The following LRRK2 variants were observed in gnomAD, a reference collection of about 807,000 sequenced individuals.
LRRK2 encodes leucine rich repeat kinase 2.
A neutral mutation model predicts 302.6 loss-of-function variants in LRRK2; 203 were observed. That is an observed-to-expected ratio of 0.67 (90% CI 0.60 to 0.75). The LOEUF (loss-of-function observed/expected upper bound fraction) is 0.75, where lower values mean the gene tolerates loss of function less well. Ranked by LOEUF, LRRK2 falls within the 30% of genes least tolerant of loss-of-function variation. The pLI, the probability that LRRK2 is intolerant of heterozygous loss-of-function variation, is 0.00. For missense variants in LRRK2, 2,830 were observed against 2,951.0 expected (o/e 0.96, Z 0.95); for synonymous variants, 1,066 against 1,031.9 (o/e 1.03, Z -0.63).
chr12:40,322,161 C>T lies in LRRK2; in HGVS notation c.5297C>T (p.Thr1766Ile), dbSNP rs1316117423. 2 of 1,611,922 alleles carry T rather than the reference C, an allele frequency of 1.2e-6. No individual in the cohort carries two copies. The highest frequency in any genetic ancestry group is 1.7e-6 in the Non-Finnish European group (2 of 1,178,802). The stretch of plus-strand genomic sequence containing the variant: ...CATCCAGAGAGTTTCTTAAAAATTA[C>T]AGTTCCTTCTTGTAGAAAAGGTAAG... Reference protein sequence around the residue: ...DNHPESFLKITVPSCRKGCIL... With the variant: ...DNHPESFLKIIVPSCRKGCIL... Residue 1766 changes from threonine (T) to isoleucine (I), a missense_variant, in exon 36 of 51, where the codon ACA becomes ATA. Around this residue, in one of 3 missense-constraint regions of LRRK2, gnomAD observed 2,121 missense variants for 2,148.0 expected, o/e 0.99. Transcript: ENST00000298910.
At chr12:40,359,731 T>A (rs887489435) in intron 47 of LRRK2, among the ~76,000 whole-genome samples, 1 of 152,276 alleles carries the variant, frequency 6.6e-6, no homozygotes. Context: ...ATTTTTATTA[T>A]CTGTGTTTCA....
chr12:40,351,853 G>C, intron 44 of LRRK2, 120 bp downstream of exon 44: 2 of 1,044,586 alleles, frequency 1.9e-6, no homozygotes, highest in Admixed American at 2.1e-5. Flanking sequence ...CCTTCTGTTA[G>C]AACAAGAGTA....
At position 40,335,042 on chromosome 12, in the gene LRRK2, T is replaced by C; in HGVS notation, c.5833T>C (p.Leu1945=). The C allele has an allele frequency of 1.2e-6, 2 of 1,614,124 alleles. No homozygotes were observed. The highest frequency in any genetic ancestry group is 1.7e-6 in the Non-Finnish European group (2 of 1,180,010). Residue 1945 remains leucine, a synonymous_variant, in exon 40 of 51, where the codon TTG becomes CTG. Transcript: ENST00000298910. ...LLAAGIRPRM[L]VMELASKGSL... The stretch of plus-strand genomic sequence containing the variant: ...GGCAGCTGGGATTCGTCCCCGGATG[T>C]TGGTGATGGAGTTAGCCTCCAAGGG...
intron 20 of LRRK2, among the ~76,000 whole-genome samples, chr12:40,291,971 T>C (rs1944176023): frequency 6.6e-6 from 1 of 152,042 alleles, no homozygotes; most frequent in Admixed American, 6.6e-5. Context: ...TTAATCTAAG[T>C]TTGCAGTTAG....
At chr12:40,353,112 G>A (rs1298653466) in intron 44 of LRRK2, among the ~76,000 whole-genome samples, 33 of 151,824 alleles carry the variant, frequency 2.2e-4, no homozygotes, top group Non-Finnish European at 1.3e-4. Context: ...CGGATGGGGT[G>A]GCTGCCCAGC....
chr12:40,277,058 CT>C lies in LRRK2; in HGVS notation c.1942-828del, dbSNP rs534868882. ...ATTTTGCCATATTGTGCAGGCTGGT[CT>C]TGAATTCCTGGGCTCAAGCAATCCC... On this transcript the variant is annotated intron_variant, in intron 16 of 50. Transcript: ENST00000298910. Among the ~76,000 whole-genome samples the C allele has an allele frequency of 1.8e-3, 267 of 152,214 alleles. 1 individual carries two copies. The highest frequency in any genetic ancestry group is 3.6e-3 in the Admixed American group (55 of 15,300).
chr12:40,287,768 G>T (rs1222833128), intron 20 of LRRK2, among the ~76,000 whole-genome samples: 2 of 151,822 alleles, frequency 1.3e-5, no homozygotes, highest in Non-Finnish European at 2.9e-5. Context: ...AATATTCCAG[G>T]AAACAAACTC....
chr12:40,274,756 A>C (rs1943377428), intron 15 of LRRK2, 29 bp downstream of exon 15: 1 of 1,613,908 alleles, frequency 6.2e-7, no homozygotes, highest in Non-Finnish European at 8.5e-7. Flanking sequence ...CAGGATTTAG[A>C]ATAGATTTTT....
intron 46 of LRRK2, 42 bp downstream of exon 46, chr12:40,356,229 C>A: frequency 7.0e-7 from 1 of 1,432,324 alleles, no homozygotes; most frequent in Non-Finnish European, 9.7e-7. Context: ...TATTTTAAGT[C>A]TTTTGTTTTA....
At chr12:40,308,829 C>A (rs1944926759) in intron 29 of LRRK2, 133 bp downstream of exon 29, 1 of 954,724 alleles carries the variant, frequency 1.0e-6, no homozygotes, top group Non-Finnish European at 1.6e-6. Context: ...CCCTTCATTT[C>A]TCCTAATTTT....
chr12:40,362,309 T>C (rs999716767), intron 47 of LRRK2, among the ~76,000 whole-genome samples: 1 of 152,080 alleles, frequency 6.6e-6, no homozygotes, highest in East Asian at 1.9e-4. Flanking sequence ...TAGGATATAC[T>C]AATGATTGTT....
In LRRK2 at chr12:40,309,244, CT is replaced by C. The variant is rs200829235; in HGVS notation, c.4317+12del. The C allele has an allele frequency of 0.023, 37,270 of 1,612,000 alleles. 1,104 individuals are homozygous for C. Among genetic ancestry groups the C allele is most frequent in the South Asian group, 0.11 (10,394 of 90,934 alleles). On this transcript the variant is annotated intron_variant, in intron 30 of 50. Transcript: ENST00000298910. ...CTCTTCAATATAAAGGTGATTTGTT[CT>C]GATCATTTGAAAATAGAAAATAATT...
chr12:40,285,658 CAA>C (rs1163630141), intron 19 of LRRK2, among the ~76,000 whole-genome samples: 1 of 150,840 alleles, frequency 6.6e-6, no homozygotes, highest in African/African-American at 2.4e-5. Context: ...TTTATAATAG[CAA>C]AAGAGTAGGA....
At chr12:40,273,901 C>G (rs1424564913) in intron 14 of LRRK2, among the ~76,000 whole-genome samples, 1 of 152,044 alleles carries the variant, frequency 6.6e-6, no homozygotes, top group Non-Finnish European at 1.5e-5. Flanking sequence ...AAAATACCTT[C>G]ATAGTGTCAA....
Position 40,362,206 on chromosome 12 carries a change from C to G in LRRK2, c.7029-1196C>G, listed in dbSNP as rs542143331. On this transcript the variant is annotated intron_variant, in intron 47 of 50. Transcript: ENST00000298910. ...CAGCAAATATCCAAGAAGGAATTAC[C>G]TAAAGCGTAGTGGCTCTCTGACAAC... 2.0e-5 allele frequency among the ~76,000 whole-genome samples: 3 copies of G among 152,006 alleles called. No homozygotes were observed. In the East Asian group the frequency reaches 5.8e-4, roughly 29 times the overall value.
chr12:40,271,009 G>T (rs577257946), intron 14 of LRRK2, among the ~76,000 whole-genome samples: 24 of 152,060 alleles, frequency 1.6e-4, no homozygotes, highest in Middle Eastern at 3.4e-3. Context: ...CAAACTCCTT[G>T]ACTCAAGCAA....
chr12:40,293,445 A>G, intron 20 of LRRK2, 100 bp from the exon 21 acceptor site: 1 of 728,428 alleles, frequency 1.4e-6, no homozygotes. Flanking sequence ...ATTAATAAAA[A>G]TAGGTCTAAT....
intron 48 of LRRK2, 103 bp from the exon 49 acceptor site, chr12:40,364,739 G>T: frequency 1.0e-6 from 1 of 989,782 alleles, no homozygotes; most frequent in East Asian, 2.6e-5. Flanking sequence ...TGGTGGTGGT[G>T]TCATGTTTTA....
intron 25 of LRRK2, among the ~76,000 whole-genome samples, chr12:40,300,478 C>T (rs1285435224): frequency 6.6e-6 from 1 of 152,134 alleles, no homozygotes; most frequent in Non-Finnish European, 1.5e-5. Context: ...ATTTTTAATT[C>T]TATTTAATAG....
Sources: gnomAD v4.1 joint callset for allele counts (sites outside exome capture counted in the v4.1 genomes callset) on GRCh38, gnomAD v4.1.1 for gene constraint, gnomAD v4.1.1 regional missense constraint, MANE v1.5 for transcripts, NCBI Gene and HGNC (gene_info 2026-07-23, HGNC 2026-07-21) for gene names.